Variants in SPMIP4 observed in about 807,000 individuals in gnomAD.
SPMIP4 encodes the protein sperm-associated microtubule inner protein 4.
At chr7:25,163,150 C>G in the SPMIP4 span, among the ~76,000 whole-genome samples, 1 of 152,152 alleles carries the variant, frequency 6.6e-6, no homozygotes, top group African/African-American at 2.4e-5. This position sits in a 1 kb window ranked among gnomAD's most constrained non-coding sequence, Gnocchi z 4.4. Flanking sequence ...AAAAGAGACA[C>G]AGAGAGAAAA....
the SPMIP4 span, among the ~76,000 whole-genome samples, chr7:25,146,348 G>A: frequency 5.3e-5 from 8 of 152,166 alleles, no homozygotes; most frequent in African/African-American, 1.9e-4. Flanking sequence ...GAGACAGTTT[G>A]TTTCCCATTC....
At chr7:25,141,969 C>T in the SPMIP4 span, among the ~76,000 whole-genome samples, 2 of 152,160 alleles carry the variant, frequency 1.3e-5, no homozygotes, top group African/African-American at 4.8e-5. Context: ...AACTCCTGAC[C>T]TCGTGATCTG....
chr7:25,137,301 C>CTTTTTTTTTTTT, the SPMIP4 span, among the ~76,000 whole-genome samples: 1 of 127,088 alleles, frequency 7.9e-6, no homozygotes, highest in Non-Finnish European at 1.6e-5. Flanking sequence ...GCTGAATTTT[C>CTTTTTTTTTTTT]TTTTTTTTTT....
At chr7:25,160,950 T>C in the SPMIP4 span, among the ~76,000 whole-genome samples, 1 of 152,338 alleles carries the variant, frequency 6.6e-6, no homozygotes, top group South Asian at 2.1e-4. Context: ...CCTTTGAACA[T>C]TACTATTCAT....
the SPMIP4 span, chr7:25,136,121 G>A: frequency 1.9e-6 from 3 of 1,614,032 alleles, no homozygotes; most frequent in African/African-American, 4.0e-5. This position sits in a 1 kb window ranked among gnomAD's most constrained non-coding sequence, Gnocchi z 5.7. Context: ...TTAAGCTCCA[G>A]CAGGTTGGTC....
At chr7:25,158,388 A>AAAAG in the SPMIP4 span, 1 of 720,378 alleles carries the variant, frequency 1.4e-6, no homozygotes, top group Non-Finnish European at 2.3e-6. Flanking sequence ...AAAAAAAAAA[A>AAAAG]GAAACGTTTT....
the SPMIP4 span, among the ~76,000 whole-genome samples, chr7:25,167,367 T>G: frequency 2.4e-3 from 365 of 152,344 alleles, 1 homozygote; most frequent in African/African-American, 8.4e-3. Context: ...AAAACAAGGA[T>G]GGCAGTATCT....
chr7:25,140,140 T>G, the SPMIP4 span, among the ~76,000 whole-genome samples: 3 of 152,242 alleles, frequency 2.0e-5, no homozygotes, highest in African/African-American at 4.8e-5. Flanking sequence ...TTTTCTATAC[T>G]TAGAGAATGC....
At chr7:25,138,944 G>A in the SPMIP4 span, among the ~76,000 whole-genome samples, 2 of 152,148 alleles carry the variant, frequency 1.3e-5, no homozygotes, top group Non-Finnish European at 1.5e-5. The surrounding 1 kb of genome is among the most constrained non-coding windows in gnomAD (Gnocchi z 6.2). Context: ...TGGTAACTGC[G>A]AAAGTAGTGA....
At chr7:25,141,232 G>T in the SPMIP4 span, among the ~76,000 whole-genome samples, 3 of 152,238 alleles carry the variant, frequency 2.0e-5, no homozygotes, top group African/African-American at 7.2e-5. Context: ...TGAATATCAG[G>T]AGGAAGCCTT....
At chr7:25,167,407 A>G in the SPMIP4 span, among the ~76,000 whole-genome samples, 1 of 152,238 alleles carries the variant, frequency 6.6e-6, no homozygotes, top group Non-Finnish European at 1.5e-5. Context: ...GTTCCATGAG[A>G]GCGTGGGCTT....
the SPMIP4 span, chr7:25,179,452 T>C: frequency 1.3e-6 from 1 of 747,306 alleles, no homozygotes; most frequent in African/African-American, 1.8e-5. Context: ...CCCTCTGCAC[T>C]GAAAGCCGTC....
At chr7:25,136,890 C>A in the SPMIP4 span, 1 of 1,195,100 alleles carries the variant, frequency 8.4e-7, no homozygotes, top group East Asian at 2.3e-5. The surrounding 1 kb of genome is among the most constrained non-coding windows in gnomAD (Gnocchi z 5.7). Flanking sequence ...TCTGAGTACA[C>A]GAGATGGGCA....
chr7:25,149,437 G>A, the SPMIP4 span, among the ~76,000 whole-genome samples: 1 of 152,064 alleles, frequency 6.6e-6, no homozygotes, highest in South Asian at 2.1e-4. Flanking sequence ...CTTTGTCCAG[G>A]GAAATGCAAA....
the SPMIP4 span, among the ~76,000 whole-genome samples, chr7:25,149,462 A>G: frequency 1.3e-5 from 2 of 152,214 alleles, no homozygotes; most frequent in African/African-American, 2.4e-5. Flanking sequence ...GATTAGAGTT[A>G]GGGATGAGCC....
chr7:25,178,410 T>G, the SPMIP4 span, among the ~76,000 whole-genome samples: 4 of 152,240 alleles, frequency 2.6e-5, no homozygotes, highest in Non-Finnish European at 5.9e-5. Context: ...ACCAAACTGC[T>G]TTTCATAAAT....
At chr7:25,168,500 A>G in the SPMIP4 span, 1 of 1,521,954 alleles carries the variant, frequency 6.6e-7, no homozygotes, top group Non-Finnish European at 8.8e-7. Flanking sequence ...GAGCCTCAGC[A>G]ACATAACAGA....
chr7:25,151,078 C>T, the SPMIP4 span, among the ~76,000 whole-genome samples: 1 of 152,044 alleles, frequency 6.6e-6, no homozygotes, highest in Non-Finnish European at 1.5e-5. Context: ...CACCATCTTC[C>T]TGGGGGCAAT....
the SPMIP4 span, chr7:25,136,386 T>G: frequency 6.2e-7 from 1 of 1,613,934 alleles, no homozygotes; most frequent in Non-Finnish European, 8.5e-7. This position sits in a 1 kb window ranked among gnomAD's most constrained non-coding sequence, Gnocchi z 5.7. Flanking sequence ...TACAGTAAGG[T>G]GTGGGTTGGG....
Sources: gnomAD v4.1 joint callset for allele counts (sites outside exome capture counted in the v4.1 genomes callset) on GRCh38, gnomAD v4.1.1 for gene constraint, Gnocchi (gnomAD v3.1) non-coding constraint, MANE v1.5 for transcripts, NCBI Gene and HGNC (gene_info 2026-07-23, HGNC 2026-07-21) for gene names.